SPG11: variants seen among roughly 807,000 people sequenced by gnomAD.
The protein encoded by SPG11 is SPG11 vesicle trafficking associated, spatacsin.
Under a neutral mutation model 274.0 loss-of-function variants are expected in SPG11, and 222 were observed. The ratio of observed to expected loss-of-function variants is 0.81; its 90% confidence interval spans 0.73 to 0.91. The LOEUF is 0.91. Ranked by LOEUF, SPG11 falls within the 40% of genes least tolerant of loss-of-function variation. The pLI is 0.00. For synonymous variants in SPG11, 1,144 were observed against 1,039.7 expected (o/e 1.10, Z -1.93); for missense variants, 3,114 against 2,872.7 (o/e 1.08, Z -1.92).
chr15:44,607,511 C>T (rs1389111458), intron 19 of SPG11, among the ~76,000 whole-genome samples: 1 of 152,098 alleles, frequency 6.6e-6, no homozygotes, highest in Non-Finnish European at 1.5e-5. Flanking sequence ...CTCAGTGACC[C>T]GCCCACCTTG....
chr15:44,565,376 C>T (rs2082287473), intron 38 of SPG11, among the ~76,000 whole-genome samples: 1 of 152,188 alleles, frequency 6.6e-6, no homozygotes, highest in Non-Finnish European at 1.5e-5. Flanking sequence ...GAAAATGTTC[C>T]ACCTCAGATC....
At chr15:44,566,491 G>A (rs2082311939) in intron 36 of SPG11, among the ~76,000 whole-genome samples, 186 bp from the exon 37 acceptor site, 1 of 152,212 alleles carries the variant, frequency 6.6e-6, no homozygotes. Context: ...TCACTCCGCA[G>A]TAGGATTCAG....
At chr15:44,569,187 A>G (rs1268495076) in intron 35 of SPG11, among the ~76,000 whole-genome samples, 1 of 151,132 alleles carries the variant, frequency 6.6e-6, no homozygotes, top group Non-Finnish European at 1.5e-5. Context: ...AAGAAAAAGA[A>G]AAAAAAAATA....
intron 15 of SPG11, among the ~76,000 whole-genome samples, chr15:44,619,548 A>T (rs1221982587): frequency 6.6e-6 from 1 of 152,192 alleles, no homozygotes; most frequent in African/African-American, 2.4e-5. Flanking sequence ...AGTGATATGA[A>T]GCACAGGAGA....
At chr15:44,597,021 A>C in intron 23 of SPG11, 78 bp from the exon 24 acceptor site, 1 of 1,306,072 alleles carries the variant, frequency 7.7e-7, no homozygotes, top group South Asian at 1.3e-5. Context: ...CTTGAACTGG[A>C]AAATGAGTAA....
Position 44,562,922 on chromosome 15 carries a change from A to G in SPG11, c.*199T>C, listed in dbSNP as rs2082221950. On this transcript the variant is annotated 3_prime_UTR_variant, in exon 40 of 40. Transcript: ENST00000261866. ...CTATATAAAATGGTGTGGATGAACA[A>G]TCATCTAAAATCAATCTATTTTAAA... 5.2e-6 allele frequency: 3 copies of G among 579,776 alleles called. No homozygotes were observed. Among genetic ancestry groups the G allele is most frequent in the African/African-American group, 3.7e-5 (2 of 53,464 alleles). The allele number at this position is 579,776 out of a possible 1,614,324, so 35.9% of individuals were successfully genotyped here. A position where few individuals can be genotyped will look rare whatever the true frequency, so the allele number is the denominator to read the frequency against.
rs1422477670 is a variant in SPG11, at chr15:44,584,531, G to GT, written c.5148dup (p.His1717ThrfsTer3). The GT allele has an allele frequency of 8.1e-6, 13 of 1,612,034 alleles. No individual in the cohort carries two copies. Among genetic ancestry groups the GT allele is most frequent in the African/African-American group, 1.3e-5 (1 of 74,920 alleles). ...TGTTTTAGTGACCACTGTTCAATGT[G>GT]TTTTAGGGTCTGCATTTCCTGTGTT... On this transcript the variant is annotated frameshift_variant, in exon 30 of 40. Coordinates refer to ENST00000261866, the MANE Select transcript of SPG11 (RefSeq NM_025137.4). LOFTEE classifies it high-confidence loss of function.
rs957519261 is a variant in SPG11 at position 44,663,393 on chromosome 15, C to T, written c.255G>A (p.Trp85Ter). Residue 85 changes from tryptophan to a stop codon, truncating the protein, a stop_gained and splice_region_variant, in exon 1 of 40, where the codon TGG (tryptophan) becomes TGA (stop). Transcript: ENST00000261866. LOFTEE classifies it high-confidence loss of function. Reference sequence around the variant, plus strand: ...CCCAACTCTCCCTCAGCACTTACTGCCAGAAGGGGCCCTCCAGGCAGCAGC... The same window carrying T: ...CCCAACTCTCCCTCAGCACTTACTGTCAGAAGGGGCCCTCCAGGCAGCAGC... ...GGRCCLEGPF[W>*]HFLWEDSRNS... is the part of the protein sequence containing the mutation. The T allele has an allele frequency of 1.9e-6, 3 of 1,607,162 alleles. No individual in the cohort carries two copies. The highest frequency in any genetic ancestry group is 2.5e-6 in the Non-Finnish European group (3 of 1,177,522).
At chr15:44,630,718 T>C (rs371029104) in intron 8 of SPG11, among the ~76,000 whole-genome samples, 90 of 152,272 alleles carry the variant, frequency 5.9e-4, no homozygotes, top group African/African-American at 2.1e-3. Flanking sequence ...TAGCTGGGAT[T>C]ACAGACATGC....
intron 8 of SPG11, among the ~76,000 whole-genome samples, chr15:44,630,003 G>A (rs1299258055): frequency 2.0e-5 from 3 of 151,862 alleles, no homozygotes; most frequent in Admixed American, 6.6e-5. Flanking sequence ...CCCGGGAGGC[G>A]GAGGTTGCAG....
At chr15:44,640,610 G>A (rs2084411178) in intron 7 of SPG11, among the ~76,000 whole-genome samples, 2 of 152,132 alleles carry the variant, frequency 1.3e-5, no homozygotes, top group South Asian at 4.1e-4. Flanking sequence ...AAGGCAAGAT[G>A]GAATTGGCCT....
intron 5 of SPG11, 90 bp downstream of exon 5, chr15:44,652,039 C>A: frequency 1.3e-6 from 2 of 1,558,520 alleles, no homozygotes; most frequent in Non-Finnish European, 8.7e-7. Flanking sequence ...AAAAAAGTAT[C>A]TATCAAATAA....
At chr15:44,653,971 T>C (rs895402742) in intron 4 of SPG11, among the ~76,000 whole-genome samples, 1 of 152,166 alleles carries the variant, frequency 6.6e-6, no homozygotes, top group Non-Finnish European at 1.5e-5. Context: ...TATATTTTTT[T>C]CAGACAGGGT....
At chr15:44,582,249 C>A (rs1454278718) in intron 30 of SPG11, among the ~76,000 whole-genome samples, 3 of 151,816 alleles carry the variant, frequency 2.0e-5, no homozygotes, top group African/African-American at 7.3e-5. Context: ...ATACAAAAAC[C>A]AAACAGTATA....
chr15:44,580,596 GTGAAACCTTGTC>G (rs1455136795), intron 30 of SPG11, among the ~76,000 whole-genome samples: 1 of 152,194 alleles, frequency 6.6e-6, no homozygotes, highest in Non-Finnish European at 1.5e-5. Flanking sequence ...GGCCAACATG[GTGAAACCTTGTC>G]TGTACTAAAA....
At chr15:44,614,931 G>T (rs1419053780) in intron 16 of SPG11, among the ~76,000 whole-genome samples, 1 of 152,156 alleles carries the variant, frequency 6.6e-6, no homozygotes, top group Non-Finnish European at 1.5e-5. Context: ...CTGTGCGTGT[G>T]TGTGTCTATA....
At chr15:44,596,588 C>G (rs963219024) in intron 24 of SPG11, among the ~76,000 whole-genome samples, 196 bp downstream of exon 24, 1 of 136,768 alleles carries the variant, frequency 7.3e-6, no homozygotes, top group Non-Finnish European at 1.5e-5. Context: ...CTGATGCCAA[C>G]CCACTGAAAT....
intron 7 of SPG11, among the ~76,000 whole-genome samples, chr15:44,634,834 C>T (rs1327481406): frequency 6.6e-6 from 1 of 152,102 alleles, no homozygotes; most frequent in Non-Finnish European, 1.5e-5. Context: ...CCCGCCTAGG[C>T]CTCCCAAAGT....
chr15:44,653,998 G>C (rs1044262855), intron 4 of SPG11, among the ~76,000 whole-genome samples: 7 of 152,072 alleles, frequency 4.6e-5, no homozygotes, highest in South Asian at 4.2e-4. Flanking sequence ...CTGTTGCCCA[G>C]GCTGGAGTGC....
Sources: gnomAD v4.1 joint callset for allele counts (sites outside exome capture counted in the v4.1 genomes callset) on GRCh38, gnomAD v4.1.1 for gene constraint, MANE v1.5 for transcripts, NCBI Gene and HGNC (gene_info 2026-07-23, HGNC 2026-07-21) for gene names.